PTPN9: variants seen among roughly 807,000 people sequenced by gnomAD.
PTPN9 encodes the protein protein tyrosine phosphatase non-receptor type 9, also known as tyrosine-protein phosphatase non-receptor type 9.
Under a neutral mutation model 69.8 loss-of-function variants are expected in PTPN9, and 26 were observed. That is an observed-to-expected ratio of 0.37 (90% CI 0.27 to 0.52). The LOEUF (loss-of-function observed/expected upper bound fraction) is 0.52. Among genes scored for constraint, PTPN9 ranks in the 20% least tolerant of loss-of-function variants. The pLI, the probability that PTPN9 is intolerant of heterozygous loss-of-function variation, is 0.91. For synonymous variants in PTPN9, 274 were observed against 272.5 expected, an observed-to-expected ratio of 1.01 and a Z score of -0.05; for missense variants, 549 against 740.3, an observed-to-expected ratio of 0.74 and a Z score of 3.00.
At chr15:75,469,732 T>G in intron 12 of PTPN9, 60 bp downstream of exon 12, 2 of 1,561,556 alleles carry the variant, frequency 1.3e-6, no homozygotes, top group South Asian at 2.2e-5. Flanking sequence ...AAGAGCTTTG[T>G]TTTTCCTCGT....
intron 1 of PTPN9, among the ~76,000 whole-genome samples, chr15:75,563,581 G>A (rs936694775): frequency 2.0e-5 from 3 of 151,814 alleles, no homozygotes; most frequent in Non-Finnish European, 2.9e-5. Flanking sequence ...TTTATGGCTC[G>A]GTAGTATTCC....
intron 8 of PTPN9, chr15:75,480,680 G>A: frequency 4.7e-6 from 6 of 1,267,684 alleles, no homozygotes; most frequent in Non-Finnish European, 6.1e-6. Flanking sequence ...AGCCGCTGCC[G>A]CGACCGACCG....
At chr15:75,552,652 T>C (rs930806206) in intron 1 of PTPN9, among the ~76,000 whole-genome samples, 1 of 151,590 alleles carries the variant, frequency 6.6e-6, no homozygotes, top group Non-Finnish European at 1.5e-5. Context: ...TAAGCTATGC[T>C]CAGTAGGTTA....
chr15:75,562,791 C>CAAAAA (rs60164759), intron 1 of PTPN9, among the ~76,000 whole-genome samples: 5 of 80,044 alleles, frequency 6.2e-5, no homozygotes, highest in Non-Finnish European at 1.2e-4. Flanking sequence ...AGACTCGTTT[C>CAAAAA]AAAAAAAAAA....
In PTPN9 at chr15:75,578,822, G is replaced by A. The variant is rs964833219; in HGVS notation, c.-46C>T. 1 of 1,181,810 alleles carries A rather than the reference G, an allele frequency of 8.5e-7. No homozygotes were observed. Among genetic ancestry groups the A allele is most frequent in the Non-Finnish European group, 1.1e-6 (1 of 951,256 alleles). 73.2% of individuals were successfully genotyped at this position (1,181,810 alleles called of 1,614,324 possible). A position where few individuals can be genotyped will look rare whatever the true frequency, so the allele number is the denominator to read the frequency against. On this transcript the variant is annotated 5_prime_UTR_variant, in exon 1 of 13. Coordinates refer to ENST00000618819, the MANE Select transcript of PTPN9 (RefSeq NM_002833.4). Reference sequence around the variant, plus strand: ...GCGGACAAAACTCGCTCGCGAGCGCGGGAGCCCGGCGCGCTCGGCCTCCGC... The same window carrying A: ...GCGGACAAAACTCGCTCGCGAGCGCAGGAGCCCGGCGCGCTCGGCCTCCGC...
At chr15:75,519,847 G>C (rs1239596220) in intron 4 of PTPN9, among the ~76,000 whole-genome samples, 2 of 151,880 alleles carry the variant, frequency 1.3e-5, no homozygotes, top group Non-Finnish European at 2.9e-5. Context: ...GTGTGGCACA[G>C]GACAGGTCCA....
chr15:75,530,994 A>C (rs2141325037), intron 1 of PTPN9, among the ~76,000 whole-genome samples: 1 of 141,856 alleles, frequency 7.0e-6, no homozygotes, highest in East Asian at 2.0e-4. Context: ...GCATAATAGC[A>C]ATGACCTACT....
Position 75,547,668 on chromosome 15 carries a change from C to CT in PTPN9, c.64-20408dup, listed in dbSNP as rs71440250. Among the ~76,000 whole-genome samples the CT allele has an allele frequency of 7.5e-3, 1,053 of 141,308 alleles. 11 individuals carry two copies. Among genetic ancestry groups the CT allele is most frequent in the African/African-American group, 0.02 (774 of 38,080 alleles). The allele number at this position is 141,308 out of a possible 152,430, so 92.7% of individuals were successfully genotyped here. A position where few individuals can be genotyped will look rare whatever the true frequency, so the allele number is the denominator to read the frequency against. ...GCTAATATTTACTGGATATAGGGTT[C>CT]TTTTTTTTTTTTTTTGAGACGAAGC... On this transcript the variant is annotated intron_variant, in intron 1 of 12. Transcript: ENST00000618819.
At chr15:75,503,327 G>A (rs1595954696) in intron 7 of PTPN9, among the ~76,000 whole-genome samples, 1 of 123,328 alleles carries the variant, frequency 8.1e-6, no homozygotes, top group African/African-American at 3.4e-5. Flanking sequence ...GCCCGGTCGC[G>A]ACCCCGTCTG....
At chr15:75,484,142 T>A (rs187619616) in intron 8 of PTPN9, among the ~76,000 whole-genome samples, 24 of 152,324 alleles carry the variant, frequency 1.6e-4, no homozygotes, top group Admixed American at 1.3e-3. Context: ...CGGTCTCAAG[T>A]AATAACAATA....
At chr15:75,505,351 A>G (rs1174506391) in intron 7 of PTPN9, among the ~76,000 whole-genome samples, 1 of 148,748 alleles carries the variant, frequency 6.7e-6, no homozygotes, top group Non-Finnish European at 1.5e-5. Flanking sequence ...GCCTAGGAAA[A>G]CCAGAGACCT....
At chr15:75,540,878 G>C (rs1477977093) in intron 1 of PTPN9, among the ~76,000 whole-genome samples, 1 of 151,588 alleles carries the variant, frequency 6.6e-6, no homozygotes, top group Non-Finnish European at 1.5e-5. Flanking sequence ...AGGAGTTTGA[G>C]ACCAGCCTGG....
In PTPN9 at chr15:75,550,167, G is replaced by GTT. The variant is rs754056439; in HGVS notation, c.64-22908_64-22907dup. 2.9e-4 allele frequency among the ~76,000 whole-genome samples: 40 copies of GTT among 138,394 alleles called. 1 individual carries two copies. Among genetic ancestry groups the GTT allele is most frequent in the African/African-American group, 3.4e-4 (13 of 38,300 alleles). 90.8% of individuals were successfully genotyped at this position (138,394 alleles called of 152,430 possible). On this transcript the variant is annotated intron_variant, in intron 1 of 12. Coordinates refer to ENST00000618819, the MANE Select transcript of PTPN9 (RefSeq NM_002833.4). ...GGCAGCCTGATAAACCCCTGTGGTA[G>GTT]TTTTTTTTTTTTTTTTGAGACAGAG...
Position 75,524,238 on chromosome 15 carries a change from C to G in PTPN9, c.268G>C (p.Glu90Gln). The G allele has an allele frequency of 1.2e-6, 2 of 1,611,516 alleles. No homozygotes were observed. The highest frequency in any genetic ancestry group is 2.2e-5 in the South Asian group (2 of 90,994). ...LKPHEEPLRS[E>Q]ILSGKFTILN... ...ATGGTGAATTTTCCACTGAGGATCT[C>G]AGAACGAAGAGGTTCCTCATGAGGT... Residue 90 changes from glutamate to glutamine, a missense_variant, in exon 3 of 13, where the codon GAG becomes CAG. Physicochemically the swap from Glu to Gln is conservative, Grantham distance 29. Around this residue, in one of 3 missense-constraint regions of PTPN9, gnomAD observed 457 missense variants for 661.9 expected, o/e 0.69. Transcript: ENST00000618819.
intron 1 of PTPN9, among the ~76,000 whole-genome samples, chr15:75,573,097 T>C (rs2075156344): frequency 6.6e-6 from 1 of 152,186 alleles, no homozygotes; most frequent in African/African-American, 2.4e-5. Flanking sequence ...TGGGAAGTAA[T>C]GTAGTGTAAA....
At chr15:75,575,787 C>T (rs980566880) in intron 1 of PTPN9, among the ~76,000 whole-genome samples, 13 of 150,764 alleles carry the variant, frequency 8.6e-5, no homozygotes, top group African/African-American at 2.4e-4. Context: ...GGCGTGGTGG[C>T]GGGCGCCTGT....
intron 8 of PTPN9, among the ~76,000 whole-genome samples, chr15:75,481,827 A>G (rs1229949289): frequency 9.1e-6 from 1 of 110,226 alleles, no homozygotes; most frequent in Non-Finnish European, 1.9e-5. Context: ...TCCGGGAGGG[A>G]GGTGGGGGGG....
intron 7 of PTPN9, among the ~76,000 whole-genome samples, chr15:75,499,086 G>A (rs1356275291): frequency 1.3e-5 from 2 of 152,148 alleles, no homozygotes; most frequent in African/African-American, 4.8e-5. Flanking sequence ...ATAAGAAAAA[G>A]TAAAAAGAGA....
At chr15:75,522,451 G>A (rs1241139347) in intron 4 of PTPN9, among the ~76,000 whole-genome samples, 1 of 151,848 alleles carries the variant, frequency 6.6e-6, no homozygotes, top group African/African-American at 2.4e-5. Flanking sequence ...ATGCAGTGGC[G>A]TGATCATGGC....
Sources: gnomAD v4.1 joint callset for allele counts (sites outside exome capture counted in the v4.1 genomes callset) on GRCh38, gnomAD v4.1.1 for gene constraint, gnomAD v4.1.1 regional missense constraint, MANE v1.5 for transcripts, NCBI Gene and HGNC (gene_info 2026-07-23, HGNC 2026-07-21) for gene names.